The following KCTD2 variants were observed in gnomAD, a reference collection of about 807,000 sequenced individuals.
KCTD2 encodes potassium channel tetramerization domain containing 2, also known as BTB/POZ domain-containing protein KCTD2.
KCTD2 carries 18 observed loss-of-function variants against 27.9 expected under a neutral mutation model. That is an observed-to-expected ratio of 0.64 (90% confidence interval 0.45 to 0.96). The LOEUF (loss-of-function observed/expected upper bound fraction) is 0.96, where lower values mean the gene tolerates loss of function less well. Ranked by LOEUF, KCTD2 falls within the 40% of genes least tolerant of loss-of-function variation. KCTD2 has a pLI of 0.00. For missense variants in KCTD2, 280 were observed against 348.0 expected (o/e 0.80, Z 1.56); for synonymous variants, 175 against 148.4 (o/e 1.18, Z -1.30).
chr17:75,062,045 G>T, intron 4 of KCTD2, 75 bp from the exon 5 acceptor site: 1 of 1,538,134 alleles, frequency 6.5e-7, no homozygotes, highest in South Asian at 1.1e-5. Context: ...GTCGGAAGAG[G>T]GGTGATTTGT....
At chr17:75,044,986 T>C (rs534358519), upstream of KCTD2, among the ~76,000 whole-genome samples, 1 of 151,984 alleles carries the variant, frequency 6.6e-6, no homozygotes, top group Non-Finnish European at 1.5e-5. Context: ...TTACAGACTT[T>C]CCCAAACATC....
At chr17:75,051,389 A>T (rs2073285095) in intron 2 of KCTD2, among the ~76,000 whole-genome samples, 2 of 141,718 alleles carry the variant, frequency 1.4e-5, no homozygotes, top group South Asian at 4.5e-4. Context: ...GGTTCAAGCG[A>T]TTTTCCTGCC....
intron 2 of KCTD2, among the ~76,000 whole-genome samples, chr17:75,050,978 T>TC (rs1175933121): frequency 1.4e-5 from 2 of 146,378 alleles, no homozygotes; most frequent in African/African-American, 5.0e-5. Flanking sequence ...ATGCCCAGCT[T>TC]TTTTTTTTTT....
At chr17:75,039,380 G>T in intron 3 of KCTD2, 2 of 979,080 alleles carry the variant, frequency 2.0e-6, no homozygotes. Context: ...TTGCTCTATG[G>T]AGAAACTGTG....
intron 4 of KCTD2, among the ~76,000 whole-genome samples, chr17:75,059,951 T>A (rs904426229): frequency 6.6e-6 from 1 of 152,200 alleles, no homozygotes; most frequent in Non-Finnish European, 1.5e-5. Context: ...ACAACAATCC[T>A]TCCATTTCTT....
In KCTD2 at chr17:75,063,351, T is replaced by G; in HGVS notation, c.*304T>G. 4.7e-6 allele frequency: 2 copies of G among 423,434 alleles called. No homozygotes were observed. Among genetic ancestry groups the G allele is most frequent in the Non-Finnish European group, 8.7e-6 (2 of 229,572 alleles). 26.2% of individuals were successfully genotyped at this position (423,434 alleles called of 1,614,324 possible). On this transcript the variant is annotated 3_prime_UTR_variant, in exon 6 of 6. Transcript: ENST00000322444. ...GTTCCCAGTCGGAGCCTTTCGGGGA[T>G]CTGGGGGATGAGGGCGGAAGGCCTA...
Position 75,063,109 on chromosome 17 carries a change from G to A in KCTD2, c.*62G>A. 1.4e-6 allele frequency: 2 copies of A among 1,475,890 alleles called. No individual in the cohort carries two copies. The highest frequency in any genetic ancestry group is 1.1e-5 in the South Asian group (1 of 87,228). 91.4% of individuals were successfully genotyped at this position (1,475,890 alleles called of 1,614,324 possible). A position where few individuals can be genotyped will look rare whatever the true frequency, so the allele number is the denominator to read the frequency against. ...AGTCAGCAGAGCCCCTCTGTGAAGT[G>A]AAACCTCACTCCTGTCCAGTGACCG... is the stretch of plus-strand genomic sequence containing the variant. On this transcript the variant is annotated 3_prime_UTR_variant, in exon 6 of 6. Transcript: ENST00000322444.
intron 4 of KCTD2, 124 bp downstream of exon 4, chr17:75,059,729 T>C: frequency 1.4e-6 from 1 of 700,140 alleles, no homozygotes; most frequent in Non-Finnish European, 2.4e-6. Context: ...GGGATCCTAT[T>C]CCAAAACATG....
upstream of KCTD2, among the ~76,000 whole-genome samples, chr17:75,044,025 T>A (rs1294424678): frequency 1.1e-4 from 10 of 92,258 alleles, no homozygotes; most frequent in African/African-American, 1.6e-3. Context: ...GTTGTGCACT[T>A]TTTTTTTTTT....
intron 1 of KCTD2, among the ~76,000 whole-genome samples, chr17:75,033,782 G>T (rs114017223): frequency 0.024 from 3,662 of 152,302 alleles, 143 homozygotes; most frequent in African/African-American, 0.084. Context: ...CTTCCCGCCC[G>T]CTCACCAAAA....
chr17:75,039,376 T>C (rs1298254678), intron 3 of KCTD2: 1 of 1,026,154 alleles, frequency 9.7e-7, no homozygotes, highest in Non-Finnish European at 1.5e-6. Context: ...CCTATTGCTC[T>C]ATGGAGAAAC....
intron 2 of KCTD2, among the ~76,000 whole-genome samples, chr17:75,049,838 C>T (rs750714779): frequency 6.6e-6 from 1 of 152,196 alleles, no homozygotes; most frequent in Non-Finnish European, 1.5e-5. Flanking sequence ...TGTATCATTA[C>T]TTGCCTCATC....
chr17:75,036,999 G>T (rs2073108790), intron 3 of KCTD2, among the ~76,000 whole-genome samples: 2 of 152,094 alleles, frequency 1.3e-5, no homozygotes, highest in African/African-American at 4.8e-5. Flanking sequence ...TTAAGACTAC[G>T]CTGATTTCTC....
intron 3 of KCTD2, chr17:75,038,842 G>T: frequency 7.0e-7 from 1 of 1,418,666 alleles, no homozygotes; most frequent in Non-Finnish European, 9.5e-7. Flanking sequence ...CTCAACCACA[G>T]AGAAGAAGCA....
chr17:75,038,038 G>A (rs529633747), intron 3 of KCTD2, among the ~76,000 whole-genome samples: 1 of 152,038 alleles, frequency 6.6e-6, no homozygotes, highest in Non-Finnish European at 1.5e-5. Flanking sequence ...GACAGAGTGA[G>A]ACTCCATCTT....
intron 3 of KCTD2, chr17:75,039,064 C>A: frequency 6.2e-7 from 1 of 1,613,906 alleles, no homozygotes; most frequent in Non-Finnish European, 8.5e-7. Flanking sequence ...TCTTCTCCAT[C>A]TGGAAAGAGG....
At chr17:75,049,107 G>A (rs895815236) in intron 1 of KCTD2, 113 bp from the exon 2 acceptor site, 14 of 623,086 alleles carry the variant, frequency 2.2e-5, no homozygotes, top group Admixed American at 6.2e-5. Flanking sequence ...TTTTTTAGCT[G>A]ATGGAATGAA....
In KCTD2 at chr17:75,064,494, A is replaced by G. The variant is rs1378573137; in HGVS notation, c.*1447A>G. The stretch of plus-strand genomic sequence containing the variant: ...CCTGCTTGCCAAGGTACGTCTGGGT[A>G]GTAGTTTCTGGAAATGACTGCAGAC... On this transcript the variant is annotated 3_prime_UTR_variant, in exon 6 of 6. Transcript: ENST00000322444. The G allele has an allele frequency of 6.6e-6, 1 of 152,256 alleles. No individual in the cohort carries two copies. Among genetic ancestry groups the G allele is most frequent in the Non-Finnish European group, 1.5e-5 (1 of 68,074 alleles). 9.4% of individuals were successfully genotyped at this position (152,256 alleles called of 1,614,324 possible).
rs181498259 is a variant in KCTD2, at chr17:75,057,652, G to T, written c.541-1858G>T. Among the ~76,000 whole-genome samples the T allele has an allele frequency of 1.6e-3, 241 of 150,142 alleles. 1 individual carries two copies. The highest frequency in any genetic ancestry group is 5.5e-3 in the African/African-American group (223 of 40,880). The stretch of plus-strand genomic sequence containing the variant: ...TCAGCTCGCTGCAACTTCTGCCTCC[G>T]GGGTTCAAGCAGTTCTCCCGCCTCA... On this transcript the variant is annotated intron_variant, in intron 3 of 5. Transcript: ENST00000322444.
Sources: allele counts gnomAD v4.1 joint callset (sites outside exome capture counted in the v4.1 genomes callset), GRCh38; gene constraint gnomAD v4.1.1; transcripts MANE v1.5; gene names NCBI Gene and HGNC (gene_info 2026-07-23, HGNC 2026-07-21).